SHB: variants seen among roughly 807,000 people sequenced by gnomAD.
SHB encodes SH2 domain-containing adapter protein B.
Under a neutral mutation model 52.3 loss-of-function variants are expected in SHB, and 20 were observed. The ratio of observed to expected loss-of-function variants is 0.38; its 90% CI spans 0.27 to 0.56. The LOEUF (loss-of-function observed/expected upper bound fraction) is 0.56, where lower values mean the gene tolerates loss of function less well. Ranked by LOEUF, SHB falls within the 20% of genes least tolerant of loss-of-function variation. The pLI, the probability that SHB is intolerant of heterozygous loss-of-function variation, is 0.71. For synonymous variants in SHB, 397 were observed against 316.5 expected, an observed-to-expected ratio of 1.25 and a Z score of -2.70; for missense variants, 825 against 723.3, an observed-to-expected ratio of 1.14 and a Z score of -1.61.
intron 1 of SHB, 123 bp from the exon 2 acceptor site, chr9:38,016,254 G>T: frequency 1.0e-6 from 1 of 962,594 alleles, no homozygotes; most frequent in Non-Finnish European, 1.5e-6. Context: ...AGGAACTAAA[G>T]CCGGCGCCCG....
intron 1 of SHB, among the ~76,000 whole-genome samples, chr9:38,050,446 T>C (rs965483946): frequency 2.0e-5 from 3 of 152,204 alleles, no homozygotes; most frequent in African/African-American, 7.2e-5. Flanking sequence ...AATATATGGA[T>C]ATTTTAAGGC....
Position 37,932,996 on chromosome 9 carries a change from A to G in SHB, c.1347-12992T>C, listed in dbSNP as rs543833813. ...ATTATACACAATAAACTTTATTTGA[A>G]AAGAAGAAAAAAAATCCAGAGGGGC... On this transcript the variant is annotated intron_variant, in intron 5 of 5. Transcript: ENST00000377707. Among the ~76,000 whole-genome samples, 35 of 152,336 alleles carry G rather than the reference A, an allele frequency of 2.3e-4. No individual in the cohort carries two copies. In the South Asian group the frequency reaches 7.3e-3, roughly 32 times the overall value.
chr9:38,059,357 T>C (rs1282711987), intron 1 of SHB, among the ~76,000 whole-genome samples: 1 of 151,896 alleles, frequency 6.6e-6, no homozygotes, highest in Non-Finnish European at 1.5e-5. Context: ...AGTGGGGCTC[T>C]AATTCTCTCT....
chr9:37,956,894 ACT>A (rs1479438866), intron 3 of SHB, among the ~76,000 whole-genome samples: 1 of 152,248 alleles, frequency 6.6e-6, no homozygotes, highest in Non-Finnish European at 1.5e-5. Flanking sequence ...AAATCTTAGC[ACT>A]GTGCCTGTAC....
At chr9:38,035,485 C>T (rs1009784930) in intron 1 of SHB, among the ~76,000 whole-genome samples, 70 of 152,078 alleles carry the variant, frequency 4.6e-4, no homozygotes, top group African/African-American at 1.6e-3. Context: ...TATAAAACTG[C>T]ATCCCTCCCT....
intron 1 of SHB, among the ~76,000 whole-genome samples, chr9:38,060,114 C>CA (rs1299360102): frequency 2.0e-5 from 3 of 152,188 alleles, no homozygotes; most frequent in East Asian, 1.9e-4. Context: ...TGGTTACAAA[C>CA]AGATGCTAGA....
At position 37,942,325 on chromosome 9, in the gene SHB, G is replaced by A. The variant is rs72724191; in HGVS notation, c.1346+6310C>T. Among the ~76,000 whole-genome samples the A allele has an allele frequency of 5.5e-3, 843 of 152,302 alleles. 9 individuals carry two copies. The highest frequency in any genetic ancestry group is 5.6e-3 in the Non-Finnish European group (380 of 68,022). On this transcript the variant is annotated intron_variant, in intron 5 of 5. Coordinates refer to ENST00000377707, the MANE Select transcript of SHB (RefSeq NM_003028.3). ...ATGTCGTGCTCCTCCTTCCCTCCTT[G>A]GAGGAGATGGGACCTTCCTGCCATC... is the stretch of plus-strand genomic sequence containing the variant.
chr9:37,951,263 C>A (rs1184005796), intron 4 of SHB, among the ~76,000 whole-genome samples: 1 of 152,190 alleles, frequency 6.6e-6, no homozygotes, highest in Non-Finnish European at 1.5e-5. Flanking sequence ...GCAGGAAGAG[C>A]ATGCAGACCA....
At chr9:37,934,469 A>T (rs897568012) in intron 5 of SHB, among the ~76,000 whole-genome samples, 3 of 146,488 alleles carry the variant, frequency 2.0e-5, no homozygotes, top group African/African-American at 5.0e-5. Flanking sequence ...CAGCTAATTA[A>T]TTTTTTTTTT....
chr9:37,983,767 C>T (rs899102771), intron 2 of SHB, among the ~76,000 whole-genome samples: 6 of 152,350 alleles, frequency 3.9e-5, no homozygotes, highest in Non-Finnish European at 5.9e-5. Flanking sequence ...ACCGGGGATC[C>T]GTGCCCGAGA....
chr9:37,954,364 C>T (rs562009650), intron 4 of SHB, among the ~76,000 whole-genome samples: 5 of 152,294 alleles, frequency 3.3e-5, no homozygotes, highest in African/African-American at 4.8e-5. Flanking sequence ...AAATACAGTA[C>T]GTGACACACA....
intron 2 of SHB, among the ~76,000 whole-genome samples, chr9:38,004,620 A>T (rs1587239675): frequency 6.6e-6 from 1 of 152,220 alleles, no homozygotes; most frequent in East Asian, 1.9e-4. Context: ...GGGAAGGGGG[A>T]CCCAGGGGCC....
chr9:37,979,459 G>A (rs1370348390), intron 2 of SHB, among the ~76,000 whole-genome samples: 1 of 152,110 alleles, frequency 6.6e-6, no homozygotes, highest in Non-Finnish European at 1.5e-5. Context: ...CACAGACTGC[G>A]GCCATGGCGG....
At chr9:38,016,437 G>A (rs764425886) in intron 1 of SHB, among the ~76,000 whole-genome samples, 11 of 152,226 alleles carry the variant, frequency 7.2e-5, no homozygotes, top group Admixed American at 4.6e-4. Context: ...GCATGGAGGC[G>A]AGAACCTGGA....
At chr9:37,999,247 G>A (rs1295254489) in intron 2 of SHB, among the ~76,000 whole-genome samples, 1 of 152,174 alleles carries the variant, frequency 6.6e-6, no homozygotes, top group Non-Finnish European at 1.5e-5. Flanking sequence ...GGGACAGTGA[G>A]GAGGGATCTG....
At chr9:37,984,176 G>C (rs982992294) in intron 2 of SHB, among the ~76,000 whole-genome samples, 4 of 152,174 alleles carry the variant, frequency 2.6e-5, no homozygotes, top group Non-Finnish European at 4.4e-5. Context: ...ACTCCTGGGG[G>C]CTTCCTTGGA....
At chr9:38,027,192 G>GGGGCA (rs148875005) in intron 1 of SHB, among the ~76,000 whole-genome samples, 6 of 152,222 alleles carry the variant, frequency 3.9e-5, no homozygotes, top group East Asian at 1.9e-4. Flanking sequence ...GCTGAAACCA[G>GGGGCA]GGGCAGGGCA....
At chr9:37,935,955 G>A (rs578151299) in intron 5 of SHB, among the ~76,000 whole-genome samples, 4 of 151,142 alleles carry the variant, frequency 2.6e-5, no homozygotes, top group South Asian at 4.2e-4. Flanking sequence ...TAGGCCGGGC[G>A]ACTTTAGGAG....
chr9:37,984,578 A>G (rs1428380107), intron 2 of SHB, among the ~76,000 whole-genome samples: 2 of 149,892 alleles, frequency 1.3e-5, no homozygotes, highest in African/African-American at 4.9e-5. Context: ...ACTTTCTGAC[A>G]TTTTTTTTTT....
Sources: gnomAD v4.1 joint callset for allele counts (sites outside exome capture counted in the v4.1 genomes callset) on GRCh38, gnomAD v4.1.1 for gene constraint, MANE v1.5 for transcripts, NCBI Gene and HGNC (gene_info 2026-07-23, HGNC 2026-07-21) for gene names.